Variants in SOBP observed in about 807,000 individuals in gnomAD.
SOBP encodes the protein sine oculis binding protein homolog.
Under a neutral mutation model 53.6 loss-of-function variants are expected in SOBP, and 4 were observed. That is an observed-to-expected ratio of 0.07 (90% CI 0.04 to 0.17). The LOEUF is 0.17. Among genes scored for constraint, SOBP ranks in the 10% least tolerant of loss-of-function variants. The pLI, the probability that SOBP is intolerant of heterozygous loss-of-function variation, is 1.00. For missense variants in SOBP, 1,088 were observed against 1,204.7 expected (o/e 0.90, Z 1.43); for synonymous variants, 584 against 522.6 (o/e 1.12, Z -1.60).
intron 4 of SOBP, among the ~76,000 whole-genome samples, chr6:107,542,627 G>T (rs1784181300): frequency 6.6e-6 from 1 of 152,148 alleles, no homozygotes; most frequent in Non-Finnish European, 1.5e-5. Context: ...TCAAAGTTGG[G>T]TGTGTCTGGC....
At chr6:107,652,711 T>G (rs1771854847) in intron 6 of SOBP, among the ~76,000 whole-genome samples, 1 of 152,192 alleles carries the variant, frequency 6.6e-6, no homozygotes, top group Non-Finnish European at 1.5e-5. Context: ...CAAACTTTAT[T>G]GTTGTCTTAT....
intron 6 of SOBP, among the ~76,000 whole-genome samples, chr6:107,656,332 AAAG>A (rs1562131115): frequency 7.3e-5 from 1 of 13,640 alleles, no homozygotes; most frequent in Non-Finnish European, 1.7e-4. Context: ...AGAAAGAAAG[AAAG>A]AAAGAAAGAG....
intron 5 of SOBP, among the ~76,000 whole-genome samples, chr6:107,605,872 A>T (rs926429158): frequency 6.6e-6 from 1 of 152,164 alleles, no homozygotes; most frequent in East Asian, 1.9e-4. Flanking sequence ...CTGCATTTTA[A>T]TGAGATCGCT....
chr6:107,506,763 G>A (rs1262513393), intron 3 of SOBP, among the ~76,000 whole-genome samples: 1 of 151,988 alleles, frequency 6.6e-6, no homozygotes, highest in African/African-American at 2.4e-5. Context: ...GACAATGACT[G>A]TTTAGCAAGA....
At position 107,634,779 on chromosome 6, in the gene SOBP, G is replaced by A; in HGVS notation, c.1935G>A (p.Val645=). The part of the protein sequence containing the change: ...GAGGQLGFPG[V]LQGPQDGVID... ...GCGGCCAGCTCGGCTTCCCAGGCGT[G>A]CTGCAGGGCCCGCAGGACGGCGTCA... The change falls in exon 6 of 7, where the codon GTG becomes GTA. Residue 645 remains valine (V), a synonymous_variant. Transcript: ENST00000317357. The surrounding 1 kb of genome is among the most constrained non-coding windows in gnomAD (Gnocchi z 4.5). 7.2e-7 allele frequency: 1 copy of A among 1,388,094 alleles called. No individual in the cohort carries two copies. Among genetic ancestry groups the A allele is most frequent in the Non-Finnish European group, 9.4e-7 (1 of 1,069,406 alleles). The allele number at this position is 1,388,094 out of a possible 1,614,324, so 86.0% of individuals were successfully genotyped here. A position where few individuals can be genotyped will look rare whatever the true frequency, so the allele number is the denominator to read the frequency against.
intron 5 of SOBP, among the ~76,000 whole-genome samples, chr6:107,622,310 G>A (rs1350565457): frequency 6.6e-6 from 1 of 152,156 alleles, no homozygotes; most frequent in East Asian, 1.9e-4. Flanking sequence ...ATTGAAAATT[G>A]GGAAGAATGT....
intron 6 of SOBP, among the ~76,000 whole-genome samples, chr6:107,656,319 GAA>G (rs879846755): frequency 1.6e-4 from 2 of 12,424 alleles, no homozygotes; most frequent in East Asian, 0.019. Context: ...AAGAAAGAAA[GAA>G]AGAAAGAAAG....
At chr6:107,621,657 A>G (rs1410712709) in intron 5 of SOBP, among the ~76,000 whole-genome samples, 1 of 152,230 alleles carries the variant, frequency 6.6e-6, no homozygotes. Flanking sequence ...TTGCAGCATT[A>G]TATACCAGAT....
At chr6:107,608,648 T>C (rs1786479310) in intron 5 of SOBP, among the ~76,000 whole-genome samples, 1 of 152,190 alleles carries the variant, frequency 6.6e-6, no homozygotes, top group South Asian at 2.1e-4. Context: ...GAAATCGACA[T>C]CTCTTTTAAA....
chr6:107,546,235 G>A (rs774126895), intron 4 of SOBP, among the ~76,000 whole-genome samples: 3 of 152,170 alleles, frequency 2.0e-5, no homozygotes, highest in Non-Finnish European at 2.9e-5. Flanking sequence ...GAAAGATGCC[G>A]TATATGGGCA....
intron 4 of SOBP, among the ~76,000 whole-genome samples, chr6:107,551,745 G>T (rs1784464675): frequency 6.6e-6 from 1 of 152,142 alleles, no homozygotes; most frequent in African/African-American, 2.4e-5. Flanking sequence ...TTGGGGCTGG[G>T]CGCAGTGGCT....
rs554060745 is a variant in SOBP at position 107,551,335 on chromosome 6, G to C, written c.573+17725G>C. Among the ~76,000 whole-genome samples the C allele has an allele frequency of 5.3e-5, 8 of 152,270 alleles. No homozygotes were observed. The South Asian group carries it at 1.7e-3, about 32-fold the overall frequency. On this transcript the variant is annotated intron_variant, in intron 4 of 6. Coordinates refer to ENST00000317357, the MANE Select transcript of SOBP (RefSeq NM_018013.4). ...TTTAGTAAGTGTACATAATAACTTT[G>C]TAAAATGGCTTAGTATGCTATTTTT... is the stretch of plus-strand genomic sequence containing the variant.
intron 6 of SOBP, among the ~76,000 whole-genome samples, chr6:107,650,039 A>G (rs1390926933): frequency 6.6e-6 from 1 of 152,246 alleles, no homozygotes; most frequent in Non-Finnish European, 1.5e-5. Context: ...TTATCCCAGT[A>G]GGGAGTCTTA....
rs533093542 is a variant in SOBP, at chr6:107,656,855, G to T, written c.*4-1352G>T. Among the ~76,000 whole-genome samples the T allele has an allele frequency of 3.9e-5, 6 of 152,302 alleles. No homozygotes were observed. The East Asian group carries it at 9.6e-4, about 24-fold the overall frequency. On this transcript the variant is annotated intron_variant, in intron 6 of 6. Transcript: ENST00000317357. ...AAGTCCTACATTCTATCACCTCTCTGAAGTTATTTGTTCATTGTTCTAAGA... is the reference window on the plus strand; with the variant it reads ...AAGTCCTACATTCTATCACCTCTCTTAAGTTATTTGTTCATTGTTCTAAGA...
intron 4 of SOBP, among the ~76,000 whole-genome samples, chr6:107,569,426 T>A (rs559687879): frequency 6.6e-6 from 1 of 152,284 alleles, no homozygotes; most frequent in African/African-American, 2.4e-5. Flanking sequence ...GGGAAGCCCA[T>A]TCATTGGACC....
chr6:107,505,172 T>C (rs1782947400), intron 2 of SOBP, among the ~76,000 whole-genome samples: 1 of 152,234 alleles, frequency 6.6e-6, no homozygotes, highest in African/African-American at 2.4e-5. Flanking sequence ...TTCATGTGAT[T>C]ATATTATGAT....
chr6:107,633,783 C>T lies in SOBP; in HGVS notation c.939C>T (p.Ser313=). Residue 313 remains serine (S), a synonymous_variant, in exon 6 of 7, where the codon TCC becomes TCT. Coordinates refer to ENST00000317357, the MANE Select transcript of SOBP (RefSeq NM_018013.4). ...CAGATGCTCGGAGGAAGGCCCCCTC[C>T]CCGGTGGCTACAGCTGGCCAAAGCC... ...PLTDARRKAP[S]PVATAGQSQG... is the part of the protein sequence containing the mutation. 1 of 1,614,218 alleles carries T rather than the reference C, an allele frequency of 6.2e-7. No homozygotes were observed. Among genetic ancestry groups the T allele is most frequent in the Non-Finnish European group, 8.5e-7 (1 of 1,180,038 alleles).
intron 3 of SOBP, among the ~76,000 whole-genome samples, chr6:107,532,731 A>G (rs59644389): frequency 0.029 from 4,353 of 152,278 alleles, 211 homozygotes; most frequent in African/African-American, 0.1. Flanking sequence ...TGGCATTCCC[A>G]TTACCATCCC....
chr6:107,503,616 T>C (rs1782899994), intron 1 of SOBP, 41 bp from the exon 2 acceptor site: 4 of 1,609,008 alleles, frequency 2.5e-6, no homozygotes, highest in South Asian at 2.2e-5. Context: ...CAAGTAGTTA[T>C]TGATTATAGA....
Sources: allele counts gnomAD v4.1 joint callset (sites outside exome capture counted in the v4.1 genomes callset), GRCh38; gene constraint gnomAD v4.1.1; non-coding constraint Gnocchi (gnomAD v3.1); transcripts MANE v1.5; gene names NCBI Gene and HGNC (gene_info 2026-07-23, HGNC 2026-07-21).